Variants in CACNA1H observed in about 807,000 individuals in gnomAD.
CACNA1H encodes voltage-dependent T-type calcium channel subunit alpha-1H.
CACNA1H carries 149 observed loss-of-function variants against 192.5 expected under a neutral mutation model. The ratio of observed to expected loss-of-function variants is 0.77; its 90% CI spans 0.68 to 0.89. The LOEUF (loss-of-function observed/expected upper bound fraction) is 0.89, where lower values mean the gene tolerates loss of function less well. CACNA1H is among the 40% of genes least tolerant of loss of function. The probability of loss-of-function intolerance (pLI) is 0.00; values close to 1 mark genes in which losing one functional copy is unlikely to be tolerated. For synonymous variants in CACNA1H, 2,202 were observed against 1,475.2 expected (o/e 1.49, Z -11.29); for missense variants, 4,257 against 3,423.5 (o/e 1.24, Z -6.08).
chr16:1,188,662 G>A lies in CACNA1H; in HGVS notation c.300-6310G>A, dbSNP rs549825730. Among the ~76,000 whole-genome samples the A allele has an allele frequency of 1.6e-3, 237 of 152,334 alleles. 1 individual carries two copies. The highest frequency in any genetic ancestry group is 5.3e-3 in the African/African-American group (220 of 41,588). ...GAAAACGGCGCCTTCAGAGCTATGC[G>A]CTTTCAAGCTGGGAAGAGCAGTTTG... On this transcript the variant is annotated intron_variant, in intron 2 of 34. Coordinates refer to ENST00000348261, the MANE Select transcript of CACNA1H (RefSeq NM_021098.3).
intron 2 of CACNA1H, among the ~76,000 whole-genome samples, chr16:1,163,303 C>T (rs1963415872): frequency 6.6e-6 from 1 of 152,192 alleles, no homozygotes; most frequent in Non-Finnish European, 1.5e-5. Flanking sequence ...GAGTGGGGCC[C>T]AGTTGGAGCA....
chr16:1,207,345 T>G lies in CACNA1H; in HGVS notation c.2978T>G (p.Leu993Arg). The change falls in exon 14 of 35, where the codon CTC (leucine) becomes CGC (arginine). Residue 993 changes from leucine (L) to arginine (R), a missense_variant. Leu to Arg is a moderately radical substitution (Grantham distance 102, BLOSUM62 -2). Transcript: ENST00000348261. ...GMASTSSWAA[L>R]YFVALMTFGN... ...GCCTCCACCTCCTCCTGGGCCGCCCTCTACTTCGTGGCCCTCATGACCTTC... is the reference window on the plus strand; with the variant it reads ...GCCTCCACCTCCTCCTGGGCCGCCCGCTACTTCGTGGCCCTCATGACCTTC... The G allele has an allele frequency of 6.2e-7, 1 of 1,612,782 alleles. No homozygotes were observed. The highest frequency in any genetic ancestry group is 8.5e-7 in the Non-Finnish European group (1 of 1,179,608).
chr16:1,215,116 C>A (rs778961766), intron 28 of CACNA1H, 35 bp downstream of exon 28: 17 of 1,592,194 alleles, frequency 1.1e-5, no homozygotes, highest in Admixed American at 1.8e-5. Flanking sequence ...GTTCTGGGGG[C>A]CCCTCAGGGC....
chr16:1,219,853 G>C (rs981920763), intron 34 of CACNA1H, 128 bp from the exon 35 acceptor site: 142 of 635,992 alleles, frequency 2.2e-4, no homozygotes, highest in Admixed American at 5.2e-4. Flanking sequence ...TCGAGGGTCA[G>C]GAGCCACCCA....
Position 1,199,420 on chromosome 16 carries a change from A to AGTGCTGCCACC in CACNA1H, c.803+646_803+647insGTGCTGCCACC. On this transcript the variant is annotated intron_variant, in intron 6 of 34. Coordinates refer to ENST00000348261, the MANE Select transcript of CACNA1H (RefSeq NM_021098.3). The stretch of plus-strand genomic sequence containing the variant: ...GTCGCTGCACATATGCCCCACCCCC[A>AGTGCTGCCACC]TCATGGCTCCGCCCACCGTGCGGTC... Among the ~76,000 whole-genome samples the AGTGCTGCCACC allele has an allele frequency of 4.0e-4, 7 of 17,606 alleles. 2 individuals carry two copies. Among genetic ancestry groups the AGTGCTGCCACC allele is most frequent in the Admixed American group, 5.6e-4 (1 of 1,786 alleles). 11.6% of individuals were successfully genotyped at this position (17,606 alleles called of 152,430 possible). A position where few individuals can be genotyped will look rare whatever the true frequency, so the allele number is the denominator to read the frequency against.
intron 2 of CACNA1H, chr16:1,157,776 CT>C (rs1423420854): frequency 1.3e-5 from 2 of 152,350 alleles, no homozygotes; most frequent in Non-Finnish European, 2.9e-5. Flanking sequence ...CCCTTGACCC[CT>C]GGGCCTGAAC....
intron 22 of CACNA1H, 84 bp downstream of exon 22, chr16:1,211,378 C>A (rs1006715909): frequency 9.8e-5 from 158 of 1,605,172 alleles, no homozygotes; most frequent in Non-Finnish European, 1.3e-4. Flanking sequence ...AGCGCCGCTG[C>A]GGGACGGGGA....
Position 1,195,962 on chromosome 16 carries a change from C to T in CACNA1H, c.582C>T (p.Ser194=), listed in dbSNP as rs906197897. Residue 194 remains serine, a synonymous_variant, in exon 5 of 35, where the codon AGC becomes AGT. Transcript: ENST00000348261. ...ACTCGTTGGACGGACACAACGTGAG[C>T]CTCTCGGCTATCAGGACCGTGCGGG... ...MEYSLDGHNV[S]LSAIRTVRVL... 3 of 1,613,162 alleles carry T rather than the reference C, an allele frequency of 1.9e-6. No individual in the cohort carries two copies. The highest frequency in any genetic ancestry group is 1.1e-5 in the South Asian group (1 of 91,088).
intron 34 of CACNA1H, among the ~76,000 whole-genome samples, chr16:1,219,461 C>T (rs542978113): frequency 1.3e-5 from 2 of 152,140 alleles, no homozygotes; most frequent in East Asian, 1.9e-4. Context: ...GGGCCCACGG[C>T]GGGCAGATGG....
chr16:1,200,623 G>A lies in CACNA1H; in HGVS notation c.1119+52G>A, dbSNP rs1444068103. On this transcript the variant is annotated intron_variant, in intron 7 of 34. Coordinates refer to ENST00000348261, the MANE Select transcript of CACNA1H (RefSeq NM_021098.3). ...ACCCTGGGGCACGGCAGGGGAGCGG[G>A]TGCAGGACTCGCCCCCCCCAGCCCA... 4 of 1,601,722 alleles carry A rather than the reference G, an allele frequency of 2.5e-6. No individual in the cohort carries two copies. The South Asian group carries it at 4.4e-5, about 18-fold the overall frequency.
chr16:1,169,949 T>C (rs766642085), intron 2 of CACNA1H, among the ~76,000 whole-genome samples: 18 of 152,230 alleles, frequency 1.2e-4, no homozygotes, highest in Non-Finnish European at 2.4e-4. Context: ...GCGTTTGAAA[T>C]ATGGCCTGCC....
At position 1,200,766 on chromosome 16, in the gene CACNA1H, C is replaced by T. The variant is rs760796172; in HGVS notation, c.1170C>T (p.Ala390=). 7.7e-6 allele frequency: 12 copies of T among 1,555,742 alleles called. No homozygotes were observed. The highest frequency in any genetic ancestry group is 4.1e-5 in the African/African-American group (3 of 73,290). The change falls in exon 8 of 35, where the codon GCC becomes GCT. Residue 390 remains alanine, a synonymous_variant. Coordinates refer to ENST00000348261, the MANE Select transcript of CACNA1H (RefSeq NM_021098.3). The part of the protein sequence containing the change: ...WVDIMYYVMD[A]HSFYNFIYFI... ...ACATCATGTACTACGTCATGGACGC[C>T]CACTCATTCTACAACTTCATCTATT...
intron 20 of CACNA1H, 58 bp downstream of exon 20, chr16:1,210,709 C>A: frequency 6.3e-7 from 1 of 1,578,260 alleles, no homozygotes; most frequent in Admixed American, 1.8e-5. Flanking sequence ...CCCTCATCCC[C>A]ACCCCCACCC....
intron 2 of CACNA1H, among the ~76,000 whole-genome samples, chr16:1,162,093 C>T (rs1596298081): frequency 6.6e-6 from 1 of 152,156 alleles, no homozygotes; most frequent in African/African-American, 2.4e-5. Flanking sequence ...GCCTGCTGCC[C>T]TCCTGGCCTC....
intron 2 of CACNA1H, among the ~76,000 whole-genome samples, chr16:1,188,714 C>G (rs1171941406): frequency 6.6e-6 from 1 of 152,198 alleles, no homozygotes; most frequent in Non-Finnish European, 1.5e-5. Context: ...TCGACTACCC[C>G]CAGATGAGAA....
intron 2 of CACNA1H, among the ~76,000 whole-genome samples, chr16:1,166,684 G>T (rs1233169055): frequency 6.6e-6 from 1 of 152,096 alleles, no homozygotes; most frequent in African/African-American, 2.4e-5. Flanking sequence ...CTGTATATGG[G>T]ATCCCACGTG....
At position 1,220,739 on chromosome 16, in the gene CACNA1H, G is replaced by C. The variant is rs754824838; in HGVS notation, c.6807G>C (p.Glu2269Asp). 6.2e-7 allele frequency: 1 copy of C among 1,612,456 alleles called. No individual in the cohort carries two copies. The highest frequency in any genetic ancestry group is 1.1e-5 in the South Asian group (1 of 91,068). Residue 2269 changes from glutamate (E) to aspartate (D), a missense_variant, in exon 35 of 35, where the codon GAG (glutamate) becomes GAC (aspartate). Glu to Asp is a conservative substitution (Grantham distance 45). Transcript: ENST00000348261. ...EHLTVPSFAF[E>D]PLDLGVPSGD... is the part of the protein sequence containing the mutation. ...TGACCGTCCCCAGCTTTGCCTTTGA[G>C]CCGCTGGACCTCGGGGTCCCCAGTG...
Position 1,213,813 on chromosome 16 carries a change from C to A in CACNA1H, c.4811C>A (p.Ser1604Ter), listed in dbSNP as rs373172616. Reference protein sequence around the residue: ...AQRRPYYADYSPTRRSIHSLC... With the variant: ...AQRRPYYADY Reference sequence around the variant, plus strand: ...CGCCGGCCCTACTATGCCGACTACTCGCCCACGCGCCGCTCCATTCACTCG... The same window carrying A: ...CGCCGGCCCTACTATGCCGACTACTAGCCCACGCGCCGCTCCATTCACTCG... Residue 1604 changes from serine to a stop codon, truncating the protein, a stop_gained, in exon 27 of 35, where the codon TCG (serine) becomes TAG (stop). Transcript: ENST00000348261. LOFTEE classifies it high-confidence loss of function. 6.3e-7 allele frequency: 1 copy of A among 1,578,658 alleles called. No individual in the cohort carries two copies.
At position 1,213,881 on chromosome 16, in the gene CACNA1H, A is replaced by T; in HGVS notation, c.4879A>T (p.Ile1627Phe). ...TCTCGACCTCTTCATCACCTTCATC[A>T]TCTGTGTCAACGTCATCACCATGTC... ...HYLDLFITFI[I>F]CVNVITMSME... The change falls in exon 27 of 35, where the codon ATC becomes TTC. Residue 1627 changes from isoleucine to phenylalanine, a missense_variant. By Grantham distance (21) the Ile-to-Phe change is conservative. Coordinates refer to ENST00000348261, the MANE Select transcript of CACNA1H (RefSeq NM_021098.3). 6.2e-7 allele frequency: 1 copy of T among 1,611,662 alleles called. No homozygotes were observed. The highest frequency in any genetic ancestry group is 8.5e-7 in the Non-Finnish European group (1 of 1,179,316).
Sources: allele counts gnomAD v4.1 joint callset (sites outside exome capture counted in the v4.1 genomes callset), GRCh38; gene constraint gnomAD v4.1.1; transcripts MANE v1.5; gene names NCBI Gene and HGNC (gene_info 2026-07-23, HGNC 2026-07-21).